Variants in SLC24A2 observed in about 807,000 individuals in gnomAD.
SLC24A2 encodes the protein sodium/potassium/calcium exchanger 2.
A neutral mutation model predicts 62.0 loss-of-function variants in SLC24A2; 36 were observed. That is an observed-to-expected ratio of 0.58 (90% confidence interval 0.44 to 0.77). The LOEUF (loss-of-function observed/expected upper bound fraction) is 0.77, where lower values mean the gene tolerates loss of function less well. Ranked by LOEUF, SLC24A2 falls within the 30% of genes least tolerant of loss-of-function variation. SLC24A2 has a pLI of 0.00. For missense variants in SLC24A2, 846 were observed against 817.9 expected, an observed-to-expected ratio of 1.03 and a Z score of -0.42; for synonymous variants, 358 against 294.0, an observed-to-expected ratio of 1.22 and a Z score of -2.23.
intron 7 of SLC24A2, among the ~76,000 whole-genome samples, chr9:19,566,321 CA>C: frequency 6.7e-6 from 1 of 149,896 alleles, no homozygotes; most frequent in Non-Finnish European, 1.5e-5. Context: ...AGACACTTCT[CA>C]AAAGAAGACA....
chr9:20,074,401 T>C, the SLC24A2 span, among the ~76,000 whole-genome samples: 2 of 151,954 alleles, frequency 1.3e-5, no homozygotes, highest in Non-Finnish European at 2.9e-5. Flanking sequence ...AAGGCTCACA[T>C]CCTTGCCACT....
the SLC24A2 span, among the ~76,000 whole-genome samples, chr9:19,858,264 A>G: frequency 6.6e-6 from 1 of 152,154 alleles, no homozygotes; most frequent in African/African-American, 2.4e-5. Context: ...AAAGGACTAC[A>G]TATTCAACAA....
chr9:19,851,015 ATATATATACATATTTTT>A, the SLC24A2 span, among the ~76,000 whole-genome samples: 2 of 51,586 alleles, frequency 3.9e-5, no homozygotes, highest in African/African-American at 1.4e-4. Flanking sequence ...ATACATATAT[ATATATATACATATTTTT>A]TTTTTTTTTT....
chr9:20,152,596 A>G, the SLC24A2 span, among the ~76,000 whole-genome samples: 2 of 151,868 alleles, frequency 1.3e-5, no homozygotes. Flanking sequence ...TGAATTCTAG[A>G]ACTATTAAAC....
Position 19,604,375 on chromosome 9 carries a change from T to C in SLC24A2, c.1079-7096A>G, listed in dbSNP as rs528904376. 3.9e-5 allele frequency among the ~76,000 whole-genome samples: 6 copies of C among 152,262 alleles called. No individual in the cohort carries two copies. The East Asian group carries it at 1.2e-3, about 29-fold the overall frequency. On this transcript the variant is annotated intron_variant, in intron 4 of 10. Coordinates refer to ENST00000341998, the MANE Select transcript of SLC24A2 (RefSeq NM_020344.4). The stretch of plus-strand genomic sequence containing the variant: ...CACACAAAAGACAAAACAGCAGCAC[T>C]GTCTTTAAAAAATGGCAATGGAAAC...
chr9:20,029,570 T>C, the SLC24A2 span, among the ~76,000 whole-genome samples: 1 of 152,220 alleles, frequency 6.6e-6, no homozygotes, highest in African/African-American at 2.4e-5. Context: ...GGTTGGATAC[T>C]GCCTGATCTC....
chr9:19,563,836 C>CCCTT (rs1835536201), intron 7 of SLC24A2, among the ~76,000 whole-genome samples: 1 of 39,072 alleles, frequency 2.6e-5, no homozygotes. Flanking sequence ...CTCCCTCCCT[C>CCCTT]CCTCCCTCCC....
At chr9:20,227,473 T>A in the SLC24A2 span, among the ~76,000 whole-genome samples, 1,439 of 138,754 alleles carry the variant, frequency 0.01, 25 homozygotes, top group African/African-American at 0.036. Context: ...ACTAAAAGCA[T>A]AATCACACAA....
At chr9:20,292,507 C>T in the SLC24A2 span, among the ~76,000 whole-genome samples, 1 of 152,172 alleles carries the variant, frequency 6.6e-6, no homozygotes, top group Admixed American at 6.5e-5. Context: ...ACTGATTCTC[C>T]CTTAGCTATC....
intron 2 of SLC24A2, among the ~76,000 whole-genome samples, chr9:19,696,579 G>C (rs1304424302): frequency 2.0e-5 from 3 of 152,098 alleles, no homozygotes; most frequent in African/African-American, 7.2e-5. Flanking sequence ...GCTGCATTTT[G>C]GGTCTACTGG....
chr9:19,672,060 C>T (rs4474099), intron 2 of SLC24A2, among the ~76,000 whole-genome samples: 3,909 of 145,890 alleles, frequency 0.027, 548 homozygotes, highest in East Asian at 0.092. Flanking sequence ...AGGGTGATAC[C>T]GGCTTCACAG....
the SLC24A2 span, among the ~76,000 whole-genome samples, chr9:20,205,788 CTA>C: frequency 1.3e-5 from 2 of 151,756 alleles, no homozygotes; most frequent in Non-Finnish European, 2.9e-5. Flanking sequence ...ACACTATTTG[CTA>C]TCAGTTATGA....
At chr9:19,764,690 CAT>C (rs1296359882) in intron 2 of SLC24A2, among the ~76,000 whole-genome samples, 2 of 152,272 alleles carry the variant, frequency 1.3e-5, no homozygotes, top group Non-Finnish European at 1.5e-5. Context: ...CATTCTTTAG[CAT>C]TTGCTGTGGA....
the SLC24A2 span, among the ~76,000 whole-genome samples, chr9:20,119,318 T>A: frequency 6.6e-5 from 10 of 150,536 alleles, no homozygotes; most frequent in Admixed American, 6.6e-4. Flanking sequence ...ACATGTTGCT[T>A]TAAATCACTA....
the SLC24A2 span, among the ~76,000 whole-genome samples, chr9:20,041,688 G>C: frequency 6.6e-6 from 1 of 152,232 alleles, no homozygotes; most frequent in African/African-American, 2.4e-5. Flanking sequence ...TTTGATAGGA[G>C]GTCTGCTCAA....
At chr9:19,923,627 G>C in the SLC24A2 span, among the ~76,000 whole-genome samples, 26 of 152,232 alleles carry the variant, frequency 1.7e-4, no homozygotes, top group Non-Finnish European at 3.2e-4. Flanking sequence ...GGAATGACAA[G>C]TTCACATTGT....
the SLC24A2 span, among the ~76,000 whole-genome samples, chr9:19,867,760 T>G: frequency 6.6e-6 from 1 of 152,006 alleles, no homozygotes; most frequent in Non-Finnish European, 1.5e-5. Flanking sequence ...ATACAAAAAT[T>G]AGCTGGGCGT....
the SLC24A2 span, among the ~76,000 whole-genome samples, chr9:19,959,353 A>C: frequency 6.6e-6 from 1 of 152,214 alleles, no homozygotes; most frequent in Admixed American, 6.5e-5. Context: ...GGCTTTAAAA[A>C]ATGAGGCTAT....
At chr9:19,916,324 G>C in the SLC24A2 span, among the ~76,000 whole-genome samples, 6,585 of 151,974 alleles carry the variant, frequency 0.043, 245 homozygotes, top group East Asian at 0.2. Flanking sequence ...AGGAAGTTTT[G>C]AAACTGAGAA....
Sources: gnomAD v4.1 joint callset for allele counts (sites outside exome capture counted in the v4.1 genomes callset) on GRCh38, gnomAD v4.1.1 for gene constraint, MANE v1.5 for transcripts, NCBI Gene and HGNC (gene_info 2026-07-23, HGNC 2026-07-21) for gene names.